Variants in USP48 observed in about 807,000 individuals in gnomAD.
USP48 encodes ubiquitin specific peptidase 48, also known as ubiquitin carboxyl-terminal hydrolase 48.
Under a neutral mutation model 150.7 loss-of-function variants are expected in USP48, and 43 were observed. The observed-to-expected ratio is 0.29, with a 90% confidence interval of 0.22 to 0.37. The LOEUF is 0.37. Among genes scored for constraint, USP48 ranks in the 10% least tolerant of loss-of-function variants. The pLI is 1.00. For missense variants in USP48, 813 were observed against 1,249.6 expected (o/e 0.65, Z 5.27); for synonymous variants, 396 against 425.9 (o/e 0.93, Z 0.86).
intron 1 of USP48, among the ~76,000 whole-genome samples, chr1:21,776,582 T>A (rs1572063268): frequency 2.0e-5 from 2 of 100,444 alleles, no homozygotes; most frequent in African/African-American, 8.0e-5. Context: ...AAGTGAATAG[T>A]GTCTTGTCTC....
chr1:21,774,268 T>C (rs2097891248), intron 1 of USP48, among the ~76,000 whole-genome samples: 1 of 151,630 alleles, frequency 6.6e-6, no homozygotes, highest in Non-Finnish European at 1.5e-5. Flanking sequence ...GATTTTAGCT[T>C]CTCTTGCCAC....
At chr1:21,718,511 G>A (rs2097710995) in intron 14 of USP48, among the ~76,000 whole-genome samples, 1 of 151,756 alleles carries the variant, frequency 6.6e-6, no homozygotes, top group South Asian at 2.1e-4. Context: ...TTCTATTATG[G>A]CATCCAATTT....
intron 23 of USP48, among the ~76,000 whole-genome samples, chr1:21,690,325 C>A (rs2152499376): frequency 6.6e-6 from 1 of 152,098 alleles, no homozygotes; most frequent in Admixed American, 6.5e-5. Context: ...GAAACAATTA[C>A]ACATATAGAT....
In USP48 at chr1:21,756,613, C is replaced by G; in HGVS notation, c.345G>C (p.Gln115His). 1 of 1,610,272 alleles carries G rather than the reference C, an allele frequency of 6.2e-7. No individual in the cohort carries two copies. Residue 115 changes from glutamine to histidine, a missense_variant, in exon 3 of 27, where the codon CAG (glutamine) becomes CAC (histidine). Gln to His is a conservative substitution (Grantham distance 24, BLOSUM62 0). Coordinates refer to ENST00000308271, the MANE Select transcript of USP48 (RefSeq NM_032236.8). ...AAGTGCTTGGACATAAGTAGAGTGC[C>G]TGCCGAAGCTCCAAGTTGAGAAACC... ...QVWFLNLELR[Q>H]ALYLCPSTCS... is the part of the protein sequence containing the mutation.
At chr1:21,742,281 T>A (rs1460102754) in intron 8 of USP48, among the ~76,000 whole-genome samples, 2 of 152,106 alleles carry the variant, frequency 1.3e-5, no homozygotes, top group Admixed American at 1.3e-4. Flanking sequence ...GGCTCATTCA[T>A]GCCTGTAATC....
chr1:21,694,790 G>A (rs2097620880), intron 23 of USP48, among the ~76,000 whole-genome samples: 1 of 152,028 alleles, frequency 6.6e-6, no homozygotes, highest in African/African-American at 2.4e-5. Context: ...GCACAATAAA[G>A]TGAGAGAACA....
chr1:21,756,997 G>A (rs576837465), intron 2 of USP48: 6 of 985,282 alleles, frequency 6.1e-6, no homozygotes, highest in East Asian at 1.1e-4. Flanking sequence ...AGAAAAGATC[G>A]GTTTTGAACA....
intron 3 of USP48, among the ~76,000 whole-genome samples, chr1:21,756,032 G>A (rs1283465343): frequency 1.3e-5 from 2 of 152,050 alleles, no homozygotes; most frequent in African/African-American, 4.8e-5. Context: ...GGGCGTGGTG[G>A]TGCACGCCTG....
At chr1:21,708,280 C>T (rs550008382) in intron 15 of USP48, among the ~76,000 whole-genome samples, 155 of 151,848 alleles carry the variant, frequency 1.0e-3, no homozygotes, top group Non-Finnish European at 2.0e-3. Context: ...GGGAGCAGAT[C>T]ACGAGGTCAG....
At chr1:21,774,419 T>C (rs2097891780) in intron 1 of USP48, among the ~76,000 whole-genome samples, 1 of 152,100 alleles carries the variant, frequency 6.6e-6, no homozygotes, top group Non-Finnish European at 1.5e-5. Flanking sequence ...CCGGTCGCAG[T>C]GGCTCATGCC....
chr1:21,719,738 GCA>G (rs2097714801), intron 14 of USP48, among the ~76,000 whole-genome samples: 1 of 151,982 alleles, frequency 6.6e-6, no homozygotes, highest in Admixed American at 6.6e-5. Context: ...GTGGTGGTGT[GCA>G]CCTGTAATCC....
At chr1:21,696,095 C>T (rs2097628816) in intron 22 of USP48, among the ~76,000 whole-genome samples, 1 of 152,130 alleles carries the variant, frequency 6.6e-6, no homozygotes, top group African/African-American at 2.4e-5. Context: ...CAGCCAAATA[C>T]AGAACATGGA....
intron 8 of USP48, among the ~76,000 whole-genome samples, chr1:21,744,840 T>C (rs2097790755): frequency 6.8e-6 from 1 of 146,450 alleles, no homozygotes. Context: ...ATGGCAAGAC[T>C]TGAGTTTGAG....
In USP48 at chr1:21,751,890, T is replaced by A. The variant is rs531664255; in HGVS notation, c.666-275A>T. Reference sequence around the variant, plus strand: ...AAAATCAGCCGGATGTGGTGGCGCGTTCCTGTAATCTCAGCTACTCGGGAG... The same window carrying A: ...AAAATCAGCCGGATGTGGTGGCGCGATCCTGTAATCTCAGCTACTCGGGAG... On this transcript the variant is annotated intron_variant, in intron 5 of 26. Coordinates refer to ENST00000308271, the MANE Select transcript of USP48 (RefSeq NM_032236.8). Among the ~76,000 whole-genome samples, 12 of 151,926 alleles carry A rather than the reference T, an allele frequency of 7.9e-5. No individual in the cohort carries two copies. In the Middle Eastern group the frequency reaches 0.01, roughly 129 times the overall value.
rs2097840354 is a variant in USP48 at position 21,757,695 on chromosome 1, T to C, written c.223A>G (p.Ile75Val). 6.8e-6 allele frequency: 11 copies of C among 1,613,186 alleles called. No individual in the cohort carries two copies. Among genetic ancestry groups the C allele is most frequent in the Non-Finnish European group, 8.5e-6 (10 of 1,179,724 alleles). ...CTCCTCTCACAGTTGGGATCATCGA[T>C]GTTATGAAAACTATTTTCATCTATT... ...GEIDENSFHNIDDPNCERRKK... is the reference protein window; with the variant it reads ...GEIDENSFHNVDDPNCERRKK... The change falls in exon 2 of 27, where the codon ATC becomes GTC. Residue 75 changes from isoleucine (I) to valine (V), a missense_variant. Ile to Val is a conservative substitution (Grantham distance 29). Coordinates refer to ENST00000308271, the MANE Select transcript of USP48 (RefSeq NM_032236.8).
intron 14 of USP48, among the ~76,000 whole-genome samples, chr1:21,717,337 G>A (rs1391513086): frequency 6.6e-6 from 1 of 152,094 alleles, no homozygotes; most frequent in East Asian, 1.9e-4. Context: ...CCATGAGGTG[G>A]AGGCTGCATT....
chr1:21,756,881 T>C (rs1472814692), intron 2 of USP48, 179 bp from the exon 3 acceptor site: 1 of 985,418 alleles, frequency 1.0e-6, no homozygotes, highest in South Asian at 4.7e-5. Context: ...AAGCCCCATT[T>C]TGGGTTGACC....
At chr1:21,681,949 C>A (rs1052743561) in intron 25 of USP48, among the ~76,000 whole-genome samples, 4 of 152,214 alleles carry the variant, frequency 2.6e-5, no homozygotes, top group Non-Finnish European at 2.9e-5. Context: ...TCGCATCCCA[C>A]CACTCCAATA....
chr1:21,771,866 C>T (rs867391328), intron 1 of USP48, among the ~76,000 whole-genome samples: 1 of 151,138 alleles, frequency 6.6e-6, no homozygotes, highest in South Asian at 2.1e-4. Context: ...TGTGGTGAGC[C>T]GAGATTGCGC....
Sources: gnomAD v4.1 joint callset for allele counts (sites outside exome capture counted in the v4.1 genomes callset) on GRCh38, gnomAD v4.1.1 for gene constraint, MANE v1.5 for transcripts, NCBI Gene and HGNC (gene_info 2026-07-23, HGNC 2026-07-21) for gene names.